Variants in IL16 observed in about 807,000 individuals in gnomAD.
The protein encoded by IL16 is pro-interleukin-16.
IL16 carries 67 observed loss-of-function variants against 110.1 expected under a neutral mutation model. That is an observed-to-expected ratio of 0.61 (90% confidence interval 0.50 to 0.75). IL16 has a LOEUF of 0.75. Ranked by LOEUF, IL16 falls within the 30% of genes least tolerant of loss-of-function variation. IL16 has a pLI of 0.00. For missense variants in IL16, 1,545 were observed against 1,655.0 expected, an observed-to-expected ratio of 0.93 and a Z score of 1.15; for synonymous variants, 689 against 662.9, an observed-to-expected ratio of 1.04 and a Z score of -0.61.
At chr15:81,263,621 A>G (rs1898250645) in intron 3 of IL16, among the ~76,000 whole-genome samples, 4 of 152,172 alleles carry the variant, frequency 2.6e-5, no homozygotes, top group Admixed American at 2.6e-4. Context: ...GTCTAGTGGG[A>G]ACTGGAACCC....
intron 9 of IL16, among the ~76,000 whole-genome samples, chr15:81,283,400 A>G (rs547449724): frequency 2.0e-5 from 3 of 152,214 alleles, no homozygotes; most frequent in Non-Finnish European, 2.9e-5. Context: ...TGATCTGGGC[A>G]TAGCTCAGAG....
intron 1 of IL16, among the ~76,000 whole-genome samples, chr15:81,207,623 G>A (rs1166096244): frequency 6.6e-6 from 1 of 151,366 alleles, no homozygotes; most frequent in African/African-American, 2.4e-5. Context: ...TGAAGTATTC[G>A]GTTTTTTGTT....
chr15:81,197,385 C>T (rs750268376), intron 1 of IL16, among the ~76,000 whole-genome samples: 6 of 152,124 alleles, frequency 3.9e-5, no homozygotes, highest in Non-Finnish European at 1.5e-5. Flanking sequence ...AAGGCCAGAG[C>T]GGGCAGAGGG....
intron 1 of IL16, among the ~76,000 whole-genome samples, chr15:81,187,119 C>T (rs137932455): frequency 2.2e-3 from 333 of 152,356 alleles, no homozygotes; most frequent in African/African-American, 7.4e-3. Context: ...CACTTACTTA[C>T]ACTGGCGAAC....
intron 1 of IL16, among the ~76,000 whole-genome samples, chr15:81,185,999 G>A (rs1895413497): frequency 1.3e-5 from 2 of 152,224 alleles, no homozygotes; most frequent in Non-Finnish European, 2.9e-5. Context: ...TGACTTGTTA[G>A]CTAAGGGAAT....
chr15:81,209,274 A>C (rs11634864), intron 1 of IL16, among the ~76,000 whole-genome samples: 12,156 of 152,220 alleles, frequency 0.08, 506 homozygotes, highest in Middle Eastern at 0.1. Context: ...GAGGGCAGAC[A>C]GTGTGGGGAG....
At chr15:81,185,773 T>TG (rs1895410852) in intron 1 of IL16, among the ~76,000 whole-genome samples, 1 of 152,144 alleles carries the variant, frequency 6.6e-6, no homozygotes, top group Non-Finnish European at 1.5e-5. Flanking sequence ...CAGATCAGCG[T>TG]GGGGCTTCCC....
chr15:81,281,198 G>A (rs1461755510), intron 8 of IL16, among the ~76,000 whole-genome samples: 1 of 152,194 alleles, frequency 6.6e-6, no homozygotes, highest in Non-Finnish European at 1.5e-5. Context: ...CAATTGTCAC[G>A]GCCTCCCTCA....
In IL16 at chr15:81,303,006, A is replaced by C. The variant is rs1180507468; in HGVS notation, c.3319-543A>C. 7.5e-6 allele frequency among the ~76,000 whole-genome samples: 1 copy of C among 134,056 alleles called. No homozygotes were observed. The highest frequency in any genetic ancestry group is 2.1e-4 in the East Asian group (1 of 4,786). 87.9% of individuals were successfully genotyped at this position (134,056 alleles called of 152,430 possible). ...GGAGTCCCCGTCTAGGCTAGGAAGT[A>C]CCGTAGTAATGTGTGTGTGTGTGTG... On this transcript the variant is annotated intron_variant, in intron 15 of 18. Transcript: ENST00000683961. This position sits in a 1 kb window ranked among gnomAD's most constrained non-coding sequence, Gnocchi z 4.1.
chr15:81,227,528 G>A (rs971162067), intron 2 of IL16, among the ~76,000 whole-genome samples: 8 of 152,066 alleles, frequency 5.3e-5, no homozygotes, highest in South Asian at 4.1e-4. Flanking sequence ...CAAGGAGACC[G>A]GTATGCCTGG....
intron 2 of IL16, among the ~76,000 whole-genome samples, chr15:81,247,590 G>A (rs1029647365): frequency 6.6e-6 from 1 of 152,064 alleles, no homozygotes; most frequent in African/African-American, 2.4e-5. Context: ...TTCCCCATTG[G>A]TTCCCTCTTA....
chr15:81,205,650 C>T (rs188147381), intron 1 of IL16, among the ~76,000 whole-genome samples: 13 of 152,056 alleles, frequency 8.5e-5, no homozygotes, highest in Non-Finnish European at 1.3e-4. Flanking sequence ...ATCAATTAAG[C>T]TCTGTAGTAA....
In IL16 at chr15:81,305,319, A is replaced by G. The variant is rs967625668; in HGVS notation, c.3421-589A>G. On this transcript the variant is annotated intron_variant, in intron 16 of 18. Transcript: ENST00000683961. ...GCCTTTTGCTTTTTAAAAGTAGACA[A>G]TGTCAGAGCTTTTGTTTCACCCAGT... Among the ~76,000 whole-genome samples the G allele has an allele frequency of 3.9e-5, 6 of 152,256 alleles. No homozygotes were observed. The South Asian group carries it at 8.3e-4, about 21-fold the overall frequency.
intron 2 of IL16, among the ~76,000 whole-genome samples, chr15:81,228,184 T>C (rs1896850811): frequency 6.6e-6 from 1 of 152,062 alleles, no homozygotes; most frequent in Admixed American, 6.5e-5. Context: ...TCTGTCCTTG[T>C]ACCTATTCCA....
intron 4 of IL16, among the ~76,000 whole-genome samples, chr15:81,267,473 TACACAG>T (rs1299831969): frequency 3.3e-5 from 3 of 90,064 alleles, no homozygotes; most frequent in African/African-American, 7.6e-5. Context: ...CAGACACACA[TACACAG>T]ACACACACAC....
At chr15:81,211,522 G>A (rs759122035) in intron 1 of IL16, among the ~76,000 whole-genome samples, 2 of 152,160 alleles carry the variant, frequency 1.3e-5, no homozygotes, top group Non-Finnish European at 2.9e-5. Context: ...AAAGCACTGG[G>A]ATTACAAGCA....
chr15:81,290,647 C>G, intron 11 of IL16, 107 bp downstream of exon 11: 1 of 649,204 alleles, frequency 1.5e-6, no homozygotes, highest in South Asian at 2.3e-5. Context: ...CAGCATTTAC[C>G]ATAGACCAGC....
Position 81,279,620 on chromosome 15 carries a change from G to A in IL16, c.927G>A (p.Leu309=), listed in dbSNP as rs1899078035. Residue 309 remains leucine, a synonymous_variant, in exon 8 of 19, where the codon CTG becomes CTA. Transcript: ENST00000683961. Reference sequence around the variant, plus strand: ...CCCGCCTGACGGCGCCTCCTTCCCTGTGCAGCCACCTGTCTCCCCCACTGT... The same window carrying A: ...CCCGCCTGACGGCGCCTCCTTCCCTATGCAGCCACCTGTCTCCCCCACTGT... ...VRTRLTAPPS[L]CSHLSPPLCR... is the part of the protein sequence containing the mutation. 2.5e-6 allele frequency: 4 copies of A among 1,613,976 alleles called. No homozygotes were observed. The highest frequency in any genetic ancestry group is 2.2e-5 in the East Asian group (1 of 44,898).
intron 2 of IL16, among the ~76,000 whole-genome samples, chr15:81,236,923 C>A (rs773278960): frequency 2.6e-5 from 4 of 152,166 alleles, no homozygotes; most frequent in Non-Finnish European, 5.9e-5. Flanking sequence ...GCAACCATTG[C>A]ACTCCAGCCT....
Sources: gnomAD v4.1 joint callset for allele counts (sites outside exome capture counted in the v4.1 genomes callset) on GRCh38, gnomAD v4.1.1 for gene constraint, Gnocchi (gnomAD v3.1) non-coding constraint, MANE v1.5 for transcripts, NCBI Gene and HGNC (gene_info 2026-07-23, HGNC 2026-07-21) for gene names.